GPATCH8: variants seen among roughly 807,000 people sequenced by gnomAD.
GPATCH8 encodes G-patch domain containing 8, also known as G patch domain-containing protein 8.
A neutral mutation model predicts 118.3 loss-of-function variants in GPATCH8; 18 were observed. The ratio of observed to expected loss-of-function variants is 0.15; its 90% CI spans 0.11 to 0.23. The LOEUF is 0.23. Among genes scored for constraint, GPATCH8 ranks in the 10% least tolerant of loss-of-function variants. The pLI, the probability that GPATCH8 is intolerant of heterozygous loss-of-function variation, is 1.00. For synonymous variants in GPATCH8, 659 were observed against 684.7 expected, an observed-to-expected ratio of 0.96 and a Z score of 0.59; for missense variants, 1,631 against 1,873.8, an observed-to-expected ratio of 0.87 and a Z score of 2.39.
At chr17:44,431,559 A>G (rs907634588) in intron 5 of GPATCH8, among the ~76,000 whole-genome samples, 1 of 114,072 alleles carries the variant, frequency 8.8e-6, no homozygotes, top group Non-Finnish European at 2.2e-5. Flanking sequence ...AAAATATTTA[A>G]TAAAATAACA....
intron 3 of GPATCH8, among the ~76,000 whole-genome samples, chr17:44,459,226 AC>A (rs2144255823): frequency 6.6e-6 from 1 of 152,316 alleles, no homozygotes; most frequent in African/African-American, 2.4e-5. Flanking sequence ...AACATCTATC[AC>A]ATATAAAGCA....
At chr17:44,488,727 G>A (rs1968994135) in intron 1 of GPATCH8, among the ~76,000 whole-genome samples, 1 of 151,810 alleles carries the variant, frequency 6.6e-6, no homozygotes, top group South Asian at 2.1e-4. Flanking sequence ...TATAGTGAGT[G>A]GTATACCAAA....
At chr17:44,459,855 T>G (rs1274923567) in intron 3 of GPATCH8, among the ~76,000 whole-genome samples, 1 of 152,186 alleles carries the variant, frequency 6.6e-6, no homozygotes. Context: ...GTTAGGTCAG[T>G]AAATATGTGT....
rs571232319 is a variant in GPATCH8 at position 44,403,689 on chromosome 17, CTCTT to C, written c.623+2228_623+2231del. Among the ~76,000 whole-genome samples, 739 of 114,426 alleles carry C rather than the reference CTCTT, an allele frequency of 6.5e-3. 5 individuals carry two copies. The highest frequency in any genetic ancestry group is 0.021 in the African/African-American group (715 of 33,876). 75.1% of individuals were successfully genotyped at this position (114,426 alleles called of 152,430 possible). A position where few individuals can be genotyped will look rare whatever the true frequency, so the allele number is the denominator to read the frequency against. On this transcript the variant is annotated intron_variant, in intron 7 of 7. Transcript: ENST00000591680. ...AGTATATTCAGACAATATGTAATCT[CTCTT>C]TTTTTTTTTTTTCTCCCAAGCTGGA...
Position 44,397,770 on chromosome 17 carries a change from C to G in GPATCH8, c.4307G>C (p.Ser1436Thr). Residue 1436 changes from serine to threonine, a missense_variant, in exon 8 of 8, where the codon AGC (serine) becomes ACC (threonine). Coordinates refer to ENST00000591680, the MANE Select transcript of GPATCH8 (RefSeq NM_001002909.4). ...IPGHPATFLA[S>T]HPIHIIPASA... ...GGCGGGAATGATGTGGATGGGATGG[C>G]TAGCGAGAAAGGTGGCAGGGTGGCC... 1 of 1,582,746 alleles carries G rather than the reference C, an allele frequency of 6.3e-7. No individual in the cohort carries two copies. The highest frequency in any genetic ancestry group is 1.3e-5 in the African/African-American group (1 of 74,568).
intron 7 of GPATCH8, among the ~76,000 whole-genome samples, chr17:44,404,194 G>A (rs2049133967): frequency 6.6e-6 from 1 of 151,852 alleles, no homozygotes; most frequent in Non-Finnish European, 1.5e-5. Context: ...CTGGAGTGCA[G>A]TGCTGTGATC....
At chr17:44,428,967 C>T (rs1188751201) in intron 5 of GPATCH8, among the ~76,000 whole-genome samples, 1 of 151,950 alleles carries the variant, frequency 6.6e-6, no homozygotes, top group East Asian at 1.9e-4. Flanking sequence ...TGGTGAAACC[C>T]TGTCTCTACT....
chr17:44,461,932 T>C (rs964259043), intron 3 of GPATCH8, among the ~76,000 whole-genome samples: 1 of 152,052 alleles, frequency 6.6e-6, no homozygotes, highest in Non-Finnish European at 1.5e-5. Context: ...ACTCCTGGGC[T>C]CAGGTGATCC....
chr17:44,470,006 G>A (rs1194620347), intron 2 of GPATCH8, among the ~76,000 whole-genome samples: 2 of 152,178 alleles, frequency 1.3e-5, no homozygotes, highest in East Asian at 3.8e-4. Flanking sequence ...AGCAACTGGA[G>A]TTTGAAGCTT....
Position 44,424,500 on chromosome 17 carries a change from A to G in GPATCH8, c.349-8T>C. ...CTCTTTGTCAACATAATCCTTCAAG[A>G]CCCATGAAATACAAAGAAACAAAAA... is the stretch of plus-strand genomic sequence containing the variant. On this transcript the variant is annotated splice_region_variant and splice_polypyrimidine_tract_variant and intron_variant, in intron 5 of 7. Transcript: ENST00000591680. 1.2e-6 allele frequency: 2 copies of G among 1,601,730 alleles called. No individual in the cohort carries two copies. Among genetic ancestry groups the G allele is most frequent in the Non-Finnish European group, 1.7e-6 (2 of 1,169,154 alleles).
rs866714511 is a variant in GPATCH8 at position 44,464,229 on chromosome 17, C to A, written c.193+243G>T. On this transcript the variant is annotated intron_variant, in intron 3 of 7. Transcript: ENST00000591680. ...AAAATTTAAAACAGGCTGAGCCACA[C>A]ACAGTATGTTTGACTTGAAAGTTTC... Among the ~76,000 whole-genome samples the A allele has an allele frequency of 6.6e-5, 10 of 152,154 alleles. 1 individual carries two copies. The highest frequency in any genetic ancestry group is 2.0e-4 in the Admixed American group (3 of 15,272).
rs1207047219 is a variant in GPATCH8 at position 44,481,496 on chromosome 17, T to G, written c.46-6593A>C. On this transcript the variant is annotated intron_variant, in intron 1 of 7. Transcript: ENST00000591680. ...TCAAAAGGCTTCCATATATAGGACA[T>G]TCTGGAAAAAACAAAGCTAAAGAAA... is the stretch of plus-strand genomic sequence containing the variant. Among the ~76,000 whole-genome samples the G allele has an allele frequency of 4.6e-5, 7 of 152,136 alleles. No individual in the cohort carries two copies. The South Asian group carries it at 1.5e-3, about 32-fold the overall frequency.
intron 3 of GPATCH8, among the ~76,000 whole-genome samples, chr17:44,458,075 C>G (rs1396296456): frequency 6.9e-6 from 1 of 144,544 alleles, no homozygotes. Context: ...GGCGATGGAG[C>G]GAGACTCCAT....
In GPATCH8 at chr17:44,413,620, T is replaced by G. The variant is rs549303408; in HGVS notation, c.493-7569A>C. On this transcript the variant is annotated intron_variant, in intron 6 of 7. Coordinates refer to ENST00000591680, the MANE Select transcript of GPATCH8 (RefSeq NM_001002909.4). ...CCTCCTGAGAAGCTGGGACCATAGA[T>G]GCGTGCCACCACACCGGGCTAATTT... 7.4e-3 allele frequency among the ~76,000 whole-genome samples: 1,129 copies of G among 152,186 alleles called. 9 individuals are homozygous for G. The highest frequency in any genetic ancestry group is 0.013 in the Non-Finnish European group (870 of 67,994).
intron 3 of GPATCH8, among the ~76,000 whole-genome samples, chr17:44,458,167 C>A (rs2051407950): frequency 6.7e-6 from 1 of 149,932 alleles, no homozygotes; most frequent in African/African-American, 2.5e-5. Context: ...AGGAGGATCA[C>A]TTGAGCCCAG....
At chr17:44,487,054 T>G (rs1968841013) in intron 1 of GPATCH8, among the ~76,000 whole-genome samples, 1 of 152,210 alleles carries the variant, frequency 6.6e-6, no homozygotes, top group Non-Finnish European at 1.5e-5. Flanking sequence ...CTTGATGTAG[T>G]TCTATGAGTT....
At chr17:44,417,016 T>C (rs1447561245) in intron 6 of GPATCH8, among the ~76,000 whole-genome samples, 1 of 152,128 alleles carries the variant, frequency 6.6e-6, no homozygotes, top group Non-Finnish European at 1.5e-5. Context: ...AGATACTGAA[T>C]CCTACAGTTA....
Position 44,497,093 on chromosome 17 carries a change from C to T in GPATCH8, c.45+6233G>A, listed in dbSNP as rs80202712. Among the ~76,000 whole-genome samples the T allele has an allele frequency of 8.5e-5, 13 of 152,160 alleles. No individual in the cohort carries two copies. In the East Asian group the frequency reaches 2.5e-3, roughly 29 times the overall value. ...TGCTAATATGAAAAGAAAATTAATGCCAGACTTACAAGCAAAAGTACCAAG... is the reference window on the plus strand; with the variant it reads ...TGCTAATATGAAAAGAAAATTAATGTCAGACTTACAAGCAAAAGTACCAAG... On this transcript the variant is annotated intron_variant, in intron 1 of 7. Coordinates refer to ENST00000591680, the MANE Select transcript of GPATCH8 (RefSeq NM_001002909.4).
intron 7 of GPATCH8, among the ~76,000 whole-genome samples, chr17:44,403,691 CTT>C (rs35050888): frequency 0.02 from 2,957 of 145,908 alleles, 104 homozygotes; most frequent in African/African-American, 0.07. Flanking sequence ...TGTAATCTCT[CTT>C]TTTTTTTTTT....
Sources: gnomAD v4.1 joint callset for allele counts (sites outside exome capture counted in the v4.1 genomes callset) on GRCh38, gnomAD v4.1.1 for gene constraint, MANE v1.5 for transcripts, NCBI Gene and HGNC (gene_info 2026-07-23, HGNC 2026-07-21) for gene names.